The following CCDC18 variants were observed in gnomAD, a reference collection of about 807,000 sequenced individuals.
CCDC18 encodes the protein coiled-coil domain-containing protein 18.
A neutral mutation model predicts 196.0 loss-of-function variants in CCDC18; 157 were observed. The observed-to-expected ratio is 0.80, with a 90% CI of 0.70 to 0.91. The LOEUF (loss-of-function observed/expected upper bound fraction) is 0.91, where lower values mean the gene tolerates loss of function less well. CCDC18 is among the 40% of genes least tolerant of loss of function. The probability of loss-of-function intolerance (pLI) is 0.00; values close to 1 mark genes in which losing one functional copy is unlikely to be tolerated. For synonymous variants in CCDC18, 482 were observed against 529.2 expected (o/e 0.91, Z 1.22); for missense variants, 1,465 against 1,611.6 (o/e 0.91, Z 1.56).
At chr1:93,198,775 A>G (rs546943059) in intron 6 of CCDC18, among the ~76,000 whole-genome samples, 15 of 152,150 alleles carry the variant, frequency 9.9e-5, no homozygotes, top group African/African-American at 3.4e-4. Context: ...AGGCTCGCAG[A>G]TAGTTAGGAC....
At chr1:93,182,609 A>G (rs1649922848) in intron 1 of CCDC18, among the ~76,000 whole-genome samples, 1 of 152,158 alleles carries the variant, frequency 6.6e-6, no homozygotes, top group Non-Finnish European at 1.5e-5. Flanking sequence ...CTTTATTGTG[A>G]TTTTTATATG....
At chr1:93,208,706 C>T (rs377407053) in intron 9 of CCDC18, among the ~76,000 whole-genome samples, 469 of 150,730 alleles carry the variant, frequency 3.1e-3, no homozygotes, top group Non-Finnish European at 5.5e-3. Context: ...CTCGCTTTGT[C>T]GCCAGGCTGG....
chr1:93,227,988 ATT>A (rs1491545560), intron 17 of CCDC18, among the ~76,000 whole-genome samples: 42 of 145,438 alleles, frequency 2.9e-4, no homozygotes, highest in Middle Eastern at 3.6e-3. Context: ...ATATATATAT[ATT>A]TATTTATATT....
chr1:93,246,336 T>A, intron 22 of CCDC18, 132 bp downstream of exon 22: 1 of 528,800 alleles, frequency 1.9e-6, no homozygotes, highest in Admixed American at 3.6e-5. Flanking sequence ...TAGGGTTTAC[T>A]AAATTAGAGA....
At chr1:93,188,140 A>T (rs898264098) in intron 4 of CCDC18, among the ~76,000 whole-genome samples, 1 of 152,208 alleles carries the variant, frequency 6.6e-6, no homozygotes, top group African/African-American at 2.4e-5. Flanking sequence ...TCAGCTCAGC[A>T]TTTTCAAAGT....
chr1:93,212,008 T>C (rs1001150589), intron 10 of CCDC18, 93 bp from the exon 11 acceptor site: 41 of 1,110,442 alleles, frequency 3.7e-5, no homozygotes, highest in Non-Finnish European at 5.1e-5. Flanking sequence ...AATTCTAATT[T>C]TTTAAATCAA....
intron 26 of CCDC18, among the ~76,000 whole-genome samples, chr1:93,259,865 C>CA (rs1422560944): frequency 2.6e-5 from 4 of 152,174 alleles, no homozygotes; most frequent in African/African-American, 9.7e-5. Flanking sequence ...ATTACACTTT[C>CA]ATTATATGGC....
Position 93,192,033 on chromosome 1 carries a change from G to A in CCDC18, c.496G>A (p.Ala166Thr). 6.2e-7 allele frequency: 1 copy of A among 1,613,852 alleles called. No individual in the cohort carries two copies. Among genetic ancestry groups the A allele is most frequent in the Non-Finnish European group, 8.5e-7 (1 of 1,179,764 alleles). Reference sequence around the variant, plus strand: ...GCTTGAGTCTGCTCAACAGCAGGCAGCCAGTGTCCCAATCTTAGAAGAACA... The same window carrying A: ...GCTTGAGTCTGCTCAACAGCAGGCAACCAGTGTCCCAATCTTAGAAGAACA... ...SMLESAQQQA[A>T]SVPILEEQII... Residue 166 changes from alanine to threonine, a missense_variant, in exon 5 of 29, where the codon GCC becomes ACC. By Grantham distance (58) the Ala-to-Thr change is moderately conservative. Transcript: ENST00000690025.
chr1:93,201,880 T>G lies in CCDC18; in HGVS notation c.699-12T>G. On this transcript the variant is annotated splice_polypyrimidine_tract_variant and intron_variant, in intron 6 of 28. Transcript: ENST00000690025. ...TCTTCACTTTTATTCATTATCTCTT[T>G]TTAAATTTTAGAGCTGAACGACAAA... is the stretch of plus-strand genomic sequence containing the variant. 1.3e-6 allele frequency: 2 copies of G among 1,537,690 alleles called. No homozygotes were observed. Among genetic ancestry groups the G allele is most frequent in the Non-Finnish European group, 1.8e-6 (2 of 1,134,298 alleles).
chr1:93,236,306 G>A lies in CCDC18; in HGVS notation c.2519G>A (p.Arg840Lys). ...KQRESSAEKL[R>K]KMEEKCESAA... Reference sequence around the variant, plus strand: ...AGGGAAAGTTCAGCTGAAAAGTTGAGAAAAATGGAGGAGAAATGTGAATCA... The same window carrying A: ...AGGGAAAGTTCAGCTGAAAAGTTGAAAAAAATGGAGGAGAAATGTGAATCA... The change falls in exon 19 of 29, where the codon AGA (arginine) becomes AAA (lysine). Residue 840 changes from arginine (R) to lysine (K), a missense_variant. Transcript: ENST00000690025. 6.3e-7 allele frequency: 1 copy of A among 1,576,652 alleles called. No individual in the cohort carries two copies. The highest frequency in any genetic ancestry group is 1.2e-5 in the South Asian group (1 of 84,660).
intron 6 of CCDC18, among the ~76,000 whole-genome samples, chr1:93,196,305 C>T (rs1474682081): frequency 6.6e-6 from 1 of 151,988 alleles, no homozygotes; most frequent in Non-Finnish European, 1.5e-5. Context: ...GCCTGAGTGA[C>T]AGAGGAAGAT....
chr1:93,217,921 C>T, intron 14 of CCDC18, 52 bp downstream of exon 14: 1 of 1,418,782 alleles, frequency 7.0e-7, no homozygotes, highest in Non-Finnish European at 9.7e-7. Context: ...TTAAACATTA[C>T]TAGCCCCAGC....
At chr1:93,208,436 A>G (rs1053810105) in intron 9 of CCDC18, among the ~76,000 whole-genome samples, 17 of 151,462 alleles carry the variant, frequency 1.1e-4, no homozygotes, top group African/African-American at 3.6e-4. Flanking sequence ...GGTTCAAGCA[A>G]TTCTCCTGCC....
intron 21 of CCDC18, among the ~76,000 whole-genome samples, chr1:93,243,406 CAG>C (rs1661083175): frequency 6.6e-6 from 1 of 152,348 alleles, no homozygotes; most frequent in East Asian, 1.9e-4. Flanking sequence ...AGGCTGCACA[CAG>C]CGTGGTGACC....
At chr1:93,265,040 T>C (rs1664313326) in intron 27 of CCDC18, 139 bp downstream of exon 27, 1 of 604,336 alleles carries the variant, frequency 1.7e-6, no homozygotes. Flanking sequence ...ATTTAGAAGA[T>C]GTTGAATTTA....
Position 93,232,446 on chromosome 1 carries a change from G to A in CCDC18, c.2313G>A (p.Glu771=), listed in dbSNP as rs780111274. ...KSEEVYCLQK[E]LKIKNHSLQE... Reference sequence around the variant, plus strand: ...GCCAGGTATATTGTTTACAGAAAGAGCTAAAGATAAAAAATCACAGTCTTC... The same window carrying A: ...GCCAGGTATATTGTTTACAGAAAGAACTAAAGATAAAAAATCACAGTCTTC... Residue 771 remains glutamate, a synonymous_variant, in exon 18 of 29, where the codon GAG becomes GAA. Coordinates refer to ENST00000690025, the MANE Select transcript of CCDC18 (RefSeq NM_001378204.1). 8 of 1,602,072 alleles carry A rather than the reference G, an allele frequency of 5.0e-6. No homozygotes were observed. Among genetic ancestry groups the A allele is most frequent in the Non-Finnish European group, 6.8e-6 (8 of 1,172,342 alleles).
rs10874767 is a variant in CCDC18, at chr1:93,278,498, G to A, written c.*21G>A. On this transcript the variant is annotated 3_prime_UTR_variant, in exon 29 of 29. Coordinates refer to ENST00000690025, the MANE Select transcript of CCDC18 (RefSeq NM_001378204.1). ...TGTAATTCAAAGAAGATACTGATGT[G>A]TTGAAAAAATGGAATTTTTGGTACT... 179,427 of 1,237,902 alleles carry A rather than the reference G, an allele frequency of 0.14. 15,248 individuals are homozygous for A. Among genetic ancestry groups the A allele is most frequent in the African/African-American group, 0.29 (18,196 of 63,208 alleles). 76.7% of individuals were successfully genotyped at this position (1,237,902 alleles called of 1,614,324 possible). A position where few individuals can be genotyped will look rare whatever the true frequency, so the allele number is the denominator to read the frequency against.
intron 18 of CCDC18, among the ~76,000 whole-genome samples, chr1:93,233,726 G>A (rs906776772): frequency 3.3e-5 from 5 of 152,164 alleles, no homozygotes; most frequent in African/African-American, 9.7e-5. Context: ...AGCGACCTGA[G>A]TAGCTGGGAT....
intron 7 of CCDC18, among the ~76,000 whole-genome samples, chr1:93,203,896 C>T (rs773529132): frequency 1.3e-5 from 2 of 151,972 alleles, no homozygotes; most frequent in Admixed American, 1.3e-4. Context: ...TTTTTATAAT[C>T]AGGGAGTCAT....
Sources: allele counts gnomAD v4.1 joint callset (sites outside exome capture counted in the v4.1 genomes callset), GRCh38; gene constraint gnomAD v4.1.1; transcripts MANE v1.5; gene names NCBI Gene and HGNC (gene_info 2026-07-23, HGNC 2026-07-21).